Variants in DLG2 observed in about 807,000 individuals in gnomAD.
DLG2 encodes the protein disks large homolog 2.
In DLG2, 45 loss-of-function variants were observed where a neutral mutation model predicts 132.5. That is an observed-to-expected ratio of 0.34 (90% CI 0.27 to 0.44). The LOEUF (loss-of-function observed/expected upper bound fraction) is 0.44, where lower values mean the gene tolerates loss of function less well. Ranked by LOEUF, DLG2 falls within the 20% of genes least tolerant of loss-of-function variation. DLG2 has a pLI of 1.00. For synonymous variants in DLG2, 424 were observed against 419.6 expected (o/e 1.01, Z -0.13); for missense variants, 1,045 against 1,196.9 (o/e 0.87, Z 1.87).
At chr11:84,331,000 C>T (rs11233987) in intron 7 of DLG2, among the ~76,000 whole-genome samples, 85 of 152,054 alleles carry the variant, frequency 5.6e-4, no homozygotes, top group African/African-American at 1.4e-3. Flanking sequence ...GGACTGATCA[C>T]GATTTTGAGA....
At chr11:85,049,088 C>T (rs1381081739) in intron 6 of DLG2, among the ~76,000 whole-genome samples, 1 of 151,880 alleles carries the variant, frequency 6.6e-6, no homozygotes. Flanking sequence ...TTGTGAGATT[C>T]CTAAAGAAGA....
chr11:85,503,531 G>C (rs760833222), intron 3 of DLG2, among the ~76,000 whole-genome samples: 6 of 152,002 alleles, frequency 3.9e-5, no homozygotes, highest in Non-Finnish European at 8.8e-5. Context: ...TGAACAGTAG[G>C]GTTTTTAAAA....
At chr11:83,919,718 T>C (rs2154119573) in intron 15 of DLG2, among the ~76,000 whole-genome samples, 1 of 152,314 alleles carries the variant, frequency 6.6e-6, no homozygotes, top group East Asian at 1.9e-4. Context: ...TTTCCTCATC[T>C]GGAAAATATA....
intron 3 of DLG2, among the ~76,000 whole-genome samples, chr11:85,300,512 C>T (rs1444917445): frequency 6.6e-6 from 1 of 152,226 alleles, no homozygotes; most frequent in African/African-American, 2.4e-5. Flanking sequence ...AAAGGAGATA[C>T]CCCTTATGCC....
chr11:84,502,293 T>TCTTTCTTTCTTTC (rs1567805260), intron 7 of DLG2, among the ~76,000 whole-genome samples: 1 of 2,536 alleles, frequency 3.9e-4, no homozygotes, highest in Non-Finnish European at 6.4e-4. Flanking sequence ...TTTCTTTCTT[T>TCTTTCTTTCTTTC]CTTTCTTTCT....
intron 4 of DLG2, among the ~76,000 whole-genome samples, chr11:85,226,793 C>A (rs959848343): frequency 2.0e-5 from 3 of 152,106 alleles, no homozygotes; most frequent in Non-Finnish European, 4.4e-5. Flanking sequence ...ACCTGAAATT[C>A]TGAAAACTTC....
chr11:84,120,831 G>T (rs529572668), intron 9 of DLG2, among the ~76,000 whole-genome samples: 21 of 152,292 alleles, frequency 1.4e-4, no homozygotes, highest in African/African-American at 4.6e-4. Context: ...GAGTTTAAAA[G>T]CACAGTGTGT....
At chr11:84,823,551 C>T (rs1017820652) in intron 6 of DLG2, among the ~76,000 whole-genome samples, 2 of 146,744 alleles carry the variant, frequency 1.4e-5, no homozygotes, top group African/African-American at 5.0e-5. Context: ...CCTTCCTGAA[C>T]CATCCTGTTA....
chr11:83,618,442 C>T (rs2061161167), intron 19 of DLG2, among the ~76,000 whole-genome samples: 1 of 152,146 alleles, frequency 6.6e-6, no homozygotes, highest in Non-Finnish European at 1.5e-5. Context: ...CCTCTCTTTT[C>T]TAATTTCTGA....
intron 10 of DLG2, among the ~76,000 whole-genome samples, chr11:84,068,965 G>A (rs1301399053): frequency 1.3e-5 from 2 of 152,084 alleles, no homozygotes; most frequent in African/African-American, 4.8e-5. Flanking sequence ...ATGATTTTGC[G>A]ACTTACTTAA....
At chr11:85,312,845 G>A (rs1190163637) in intron 3 of DLG2, among the ~76,000 whole-genome samples, 4 of 151,784 alleles carry the variant, frequency 2.6e-5, no homozygotes, top group African/African-American at 7.3e-5. Flanking sequence ...ATGTGGCTTT[G>A]GCAAGAAAAA....
intron 11 of DLG2, among the ~76,000 whole-genome samples, chr11:84,054,939 C>T (rs1049034823): frequency 2.6e-5 from 4 of 151,842 alleles, no homozygotes; most frequent in African/African-American, 7.3e-5. Context: ...TGCATTAACT[C>T]TTTAAAATAG....
chr11:85,034,685 G>A (rs1028747287), intron 6 of DLG2, among the ~76,000 whole-genome samples: 1 of 152,126 alleles, frequency 6.6e-6, no homozygotes, highest in Non-Finnish European at 1.5e-5. Context: ...TCTTTTCTGA[G>A]CATCCTCACA....
intron 6 of DLG2, among the ~76,000 whole-genome samples, chr11:84,681,170 T>A (rs1463466995): frequency 6.6e-6 from 1 of 152,216 alleles, no homozygotes; most frequent in African/African-American, 2.4e-5. Context: ...ATGTATTCAA[T>A]AATCATATAG....
At chr11:85,613,579 G>A (rs949179531) in intron 2 of DLG2, among the ~76,000 whole-genome samples, 1 of 152,182 alleles carries the variant, frequency 6.6e-6, no homozygotes, top group Admixed American at 6.5e-5. Flanking sequence ...CTAAAGGATT[G>A]TAAATGCACC....
chr11:83,769,908 C>T (rs184183307), intron 18 of DLG2, among the ~76,000 whole-genome samples: 8 of 152,204 alleles, frequency 5.3e-5, no homozygotes, highest in African/African-American at 1.9e-4. Flanking sequence ...GTGGCAGCTG[C>T]CCCAGGGCCT....
chr11:83,714,791 G>T (rs1016619322), intron 18 of DLG2, among the ~76,000 whole-genome samples: 2 of 152,162 alleles, frequency 1.3e-5, no homozygotes, highest in Non-Finnish European at 2.9e-5. Flanking sequence ...TGTTACATAG[G>T]TACACGTGTG....
chr11:84,987,755 T>C (rs964873583), intron 6 of DLG2, among the ~76,000 whole-genome samples: 20 of 152,150 alleles, frequency 1.3e-4, no homozygotes, highest in African/African-American at 2.2e-4. Flanking sequence ...TCTCACCTTA[T>C]AGAAAAATCA....
intron 6 of DLG2, among the ~76,000 whole-genome samples, chr11:85,023,365 T>A (rs769208358): frequency 2.6e-5 from 4 of 152,064 alleles, no homozygotes; most frequent in Admixed American, 6.5e-5. Flanking sequence ...TAACATTTTC[T>A]TATTTTAGAC....
Sources: allele counts gnomAD v4.1 joint callset (sites outside exome capture counted in the v4.1 genomes callset), GRCh38; gene constraint gnomAD v4.1.1; transcripts MANE v1.5; gene names NCBI Gene and HGNC (gene_info 2026-07-23, HGNC 2026-07-21).